Variants in COL22A1 observed in about 807,000 individuals in gnomAD.
The protein encoded by COL22A1 is collagen type XXII alpha 1 chain.
A neutral mutation model predicts 248.9 loss-of-function variants in COL22A1; 221 were observed. The ratio of observed to expected loss-of-function variants is 0.89; its 90% CI spans 0.80 to 0.99. COL22A1 has a LOEUF of 0.99. Ranked by LOEUF, COL22A1 falls within the 50% of genes least tolerant of loss-of-function variation. The pLI is 0.00. For synonymous variants in COL22A1, 891 were observed against 793.4 expected (o/e 1.12, Z -2.07); for missense variants, 2,240 against 2,179.0 (o/e 1.03, Z -0.56).
Position 138,623,736 on chromosome 8 carries a change from T to A in COL22A1, c.3767A>T (p.Glu1256Val), listed in dbSNP as rs1564109928. The A allele has an allele frequency of 1.2e-6, 2 of 1,611,144 alleles. No individual in the cohort carries two copies. The highest frequency in any genetic ancestry group is 8.5e-7 in the Non-Finnish European group (1 of 1,179,020). The change falls in exon 52 of 65, where the codon GAG becomes GTG. Residue 1256 changes from glutamate (E) to valine (V), a missense_variant. By Grantham distance (121) the Glu-to-Val change is moderately radical. Transcript: ENST00000303045. Reference protein sequence around the residue: ...GRDGKPGPPGEPGKAGEPGLP... With the variant: ...GRDGKPGPPGVPGKAGEPGLP... ...AGGAAGTTTAGAGTCCTTTACCGGC[T>A]CTCCAGGGGGACCCGGCTTTCCATC...
At chr8:138,760,047 G>C (rs1202328616) in intron 18 of COL22A1, among the ~76,000 whole-genome samples, 196 bp downstream of exon 18, 1 of 151,864 alleles carries the variant, frequency 6.6e-6, no homozygotes, top group African/African-American at 2.4e-5. Flanking sequence ...ATTCCTAAAA[G>C]TAGAAAAAAA....
At chr8:138,723,534 C>A (rs1830064061) in intron 25 of COL22A1, among the ~76,000 whole-genome samples, 1 of 152,202 alleles carries the variant, frequency 6.6e-6, no homozygotes, top group South Asian at 2.1e-4. Flanking sequence ...TGAATGTTCA[C>A]ACCGATCTGC....
intron 43 of COL22A1, among the ~76,000 whole-genome samples, chr8:138,660,897 C>T (rs1199067084): frequency 3.0e-4 from 4 of 13,268 alleles, no homozygotes; most frequent in Non-Finnish European, 1.6e-3. Context: ...CACAGACACA[C>T]AAACACACAC....
At chr8:138,641,928 T>C (rs1268938332) in intron 47 of COL22A1, among the ~76,000 whole-genome samples, 2 of 152,214 alleles carry the variant, frequency 1.3e-5, no homozygotes, top group Non-Finnish European at 2.9e-5. Flanking sequence ...GAAACAGTCT[T>C]TCTATTTTCT....
At chr8:138,636,532 A>C (rs11783256) in intron 48 of COL22A1, among the ~76,000 whole-genome samples, 970 of 82,304 alleles carry the variant, frequency 0.012, 26 homozygotes, top group South Asian at 0.037. Flanking sequence ...AAAGGAAAGG[A>C]AAGGCAGGGA....
intron 3 of COL22A1, among the ~76,000 whole-genome samples, chr8:138,853,446 T>C (rs1467832957): frequency 2.6e-5 from 4 of 152,204 alleles, no homozygotes; most frequent in Admixed American, 2.6e-4. Context: ...ATACTCCCAA[T>C]GCCTCCACAA....
At chr8:138,595,820 C>T (rs889472509) in intron 62 of COL22A1, among the ~76,000 whole-genome samples, 10 of 152,002 alleles carry the variant, frequency 6.6e-5, no homozygotes, top group Admixed American at 5.9e-4. Flanking sequence ...CCCCTTTTGT[C>T]CTTGTGCTCC....
At chr8:138,844,286 T>C in intron 3 of COL22A1, 128 bp from the exon 4 acceptor site, 1 of 811,674 alleles carries the variant, frequency 1.2e-6, no homozygotes, top group Non-Finnish European at 2.1e-6. Flanking sequence ...CTGGAGAAGA[T>C]GCAGAGGCAG....
At chr8:138,760,124 T>C in intron 18 of COL22A1, 119 bp downstream of exon 18, 1 of 648,412 alleles carries the variant, frequency 1.5e-6, no homozygotes. Context: ...CCTTTGTGTG[T>C]GCTTTGTTCC....
At chr8:138,694,065 A>AC (rs1181992474) in intron 34 of COL22A1, among the ~76,000 whole-genome samples, 1 of 152,084 alleles carries the variant, frequency 6.6e-6, no homozygotes, top group Non-Finnish European at 1.5e-5. Context: ...AGAGGCAAAC[A>AC]CCGAGCAAAA....
intron 12 of COL22A1, among the ~76,000 whole-genome samples, chr8:138,782,603 T>G (rs140845738): frequency 1.3e-5 from 2 of 152,078 alleles, no homozygotes; most frequent in Non-Finnish European, 2.9e-5. Flanking sequence ...GAGGTGAAGG[T>G]TGCAGGTGCC....
At chr8:138,794,713 G>A (rs750433902) in intron 12 of COL22A1, among the ~76,000 whole-genome samples, 1 of 152,076 alleles carries the variant, frequency 6.6e-6, no homozygotes, top group African/African-American at 2.4e-5. Context: ...ATACCCAACC[G>A]AATGGTATTC....
chr8:138,846,258 G>A (rs7836365), intron 3 of COL22A1, among the ~76,000 whole-genome samples: 2,525 of 152,226 alleles, frequency 0.017, 72 homozygotes, highest in African/African-American at 0.058. Context: ...TGGGAATTGC[G>A]TGTCATTTTA....
Position 138,616,167 on chromosome 8 carries a change from A to G in COL22A1, c.3871-113T>C, listed in dbSNP as rs1819304425. 2.1e-5 allele frequency: 18 copies of G among 864,884 alleles called. 1 individual carries two copies. In the South Asian group the frequency reaches 2.4e-4, roughly 11 times the overall value. The allele number at this position is 864,884 out of a possible 1,614,324, so 53.6% of individuals were successfully genotyped here. On this transcript the variant is annotated intron_variant, in intron 54 of 64. Transcript: ENST00000303045. ...GGTGGAGAGGCCCAGGGGCCCTGTC[A>G]ACTTCCATACGCAGAGCCCCAGCCC...
intron 22 of COL22A1, among the ~76,000 whole-genome samples, chr8:138,749,334 T>C (rs1300231538): frequency 6.6e-6 from 1 of 152,048 alleles, no homozygotes; most frequent in African/African-American, 2.4e-5. Context: ...TTAACAAGAG[T>C]AAATTAGATA....
intron 1 of COL22A1, among the ~76,000 whole-genome samples, chr8:138,910,099 C>A (rs139821315): frequency 8.3e-4 from 127 of 152,298 alleles, no homozygotes; most frequent in African/African-American, 2.9e-3. Context: ...AAGCAAGGAG[C>A]TGACTTTACT....
At chr8:138,785,763 T>C (rs1262195949) in intron 12 of COL22A1, among the ~76,000 whole-genome samples, 2 of 152,202 alleles carry the variant, frequency 1.3e-5, no homozygotes, top group Non-Finnish European at 2.9e-5. Flanking sequence ...TCTGTGTGAA[T>C]TTCTCTCGTC....
intron 32 of COL22A1, 150 bp downstream of exon 32, chr8:138,699,962 C>T: frequency 1.3e-6 from 1 of 753,232 alleles, no homozygotes. Context: ...CACCTGTTTT[C>T]AGGACAAGCC....
intron 25 of COL22A1, among the ~76,000 whole-genome samples, chr8:138,723,897 A>G (rs1830098410): frequency 6.6e-6 from 1 of 152,084 alleles, no homozygotes; most frequent in Admixed American, 6.5e-5. Context: ...GACCTGCCCC[A>G]TGTGTTACCC....
Sources: allele counts gnomAD v4.1 joint callset (sites outside exome capture counted in the v4.1 genomes callset), GRCh38; gene constraint gnomAD v4.1.1; transcripts MANE v1.5; gene names NCBI Gene and HGNC (gene_info 2026-07-23, HGNC 2026-07-21).